FANCB: variants seen among roughly 807,000 people sequenced by gnomAD.
The protein encoded by FANCB is FA complementation group B.
A neutral mutation model predicts 38.9 loss-of-function variants in FANCB; 5 were observed. The ratio of observed to expected loss-of-function variants is 0.13; its 90% CI spans 0.07 to 0.27. FANCB has a LOEUF of 0.27. FANCB is among the 10% of genes least tolerant of loss of function. FANCB has a pLI of 1.00. For missense variants in FANCB, 573 were observed against 602.7 expected (o/e 0.95, Z 0.52); for synonymous variants, 236 against 215.4 (o/e 1.10, Z -0.84).
At chrX:14,823,197 C>T in the FANCB span, among the ~76,000 whole-genome samples, 1 of 105,051 alleles carries the variant, frequency 9.5e-6, no homozygotes, top group African/African-American at 3.5e-5. Context: ...ATTCTCCTAC[C>T]TCAGCCTCCC....
At chrX:14,824,003 G>C in the FANCB span, among the ~76,000 whole-genome samples, 2 of 111,938 alleles carry the variant, frequency 1.8e-5, no homozygotes, top group Non-Finnish European at 3.8e-5. Flanking sequence ...GGGTGGTCCA[G>C]TGGCAGCAGA....
At chrX:14,852,397 G>T (rs1292080381) in intron 6 of FANCB, among the ~76,000 whole-genome samples, 1 of 110,679 alleles carries the variant, frequency 9.0e-6, no homozygotes, top group African/African-American at 3.3e-5. Context: ...TCAATCTCTT[G>T]ACCTCGTGAT....
downstream of FANCB, among the ~76,000 whole-genome samples, chrX:14,839,603 T>C (rs1313755855): frequency 3.6e-5 from 4 of 110,978 alleles, no homozygotes; most frequent in South Asian, 7.5e-4. Flanking sequence ...ATCAAGTGTA[T>C]AATAAATTGA....
intron 10 of FANCB, among the ~76,000 whole-genome samples, chrX:14,837,734 A>G (rs183436209): frequency 1.8e-5 from 2 of 112,768 alleles, no homozygotes; most frequent in East Asian, 5.5e-4. Flanking sequence ...GTTTTATTAC[A>G]AACTGACTTT....
chrX:14,763,163 A>C, the FANCB span, among the ~76,000 whole-genome samples: 1 of 111,806 alleles, frequency 8.9e-6, no homozygotes, highest in East Asian at 2.8e-4. Context: ...CCTTGATCCT[A>C]TGACCCACTT....
the FANCB span, among the ~76,000 whole-genome samples, chrX:14,756,064 A>T: frequency 1.8e-4 from 20 of 112,375 alleles, no homozygotes; most frequent in Admixed American, 1.9e-3. Flanking sequence ...TGCAAAGAAC[A>T]CATATTGGAG....
intron 1 of FANCB, among the ~76,000 whole-genome samples, chrX:14,871,501 C>A (rs143087715): frequency 0.014 from 1,551 of 111,493 alleles, 26 homozygotes; most frequent in African/African-American, 0.041. Context: ...TAGAAGCTCA[C>A]TGTGCTGATA....
the FANCB span, among the ~76,000 whole-genome samples, chrX:14,740,954 ACACATG>A: frequency 1.0e-5 from 1 of 100,050 alleles, no homozygotes; most frequent in Non-Finnish European, 2.0e-5. Flanking sequence ...TAATACACAA[ACACATG>A]CACACACACA....
At chrX:14,798,988 AC>A in the FANCB span, among the ~76,000 whole-genome samples, 1 of 111,634 alleles carries the variant, frequency 9.0e-6, no homozygotes, top group African/African-American at 3.3e-5. Context: ...ACTAGAAATG[AC>A]CTAGGTTTCA....
chrX:14,765,564 T>A, the FANCB span, among the ~76,000 whole-genome samples: 1 of 112,488 alleles, frequency 8.9e-6, no homozygotes, highest in African/African-American at 3.2e-5. Context: ...ATTAATGAAA[T>A]GCCTCAGCAT....
the FANCB span, among the ~76,000 whole-genome samples, chrX:14,756,214 C>T: frequency 9.0e-6 from 1 of 111,662 alleles, no homozygotes; most frequent in Non-Finnish European, 1.9e-5. Context: ...GAAATAATAA[C>T]ACTAGAAAAA....
At chrX:14,857,705 T>G (rs909569885) in intron 5 of FANCB, among the ~76,000 whole-genome samples, 157 bp downstream of exon 5, 2 of 112,026 alleles carry the variant, frequency 1.8e-5, no homozygotes, top group Admixed American at 9.5e-5. Flanking sequence ...AGTATCATAA[T>G]ATTTGTACAG....
chrX:14,727,091 T>C, the FANCB span, among the ~76,000 whole-genome samples: 1 of 111,946 alleles, frequency 8.9e-6, no homozygotes, highest in Admixed American at 9.5e-5. Flanking sequence ...AGGTTGTACA[T>C]TTTAGAGATG....
chrX:14,703,918 C>T, the FANCB span, among the ~76,000 whole-genome samples: 2 of 112,024 alleles, frequency 1.8e-5, no homozygotes, highest in Non-Finnish European at 3.8e-5. Context: ...CCTCACCACA[C>T]TCCTGTTGTT....
the FANCB span, among the ~76,000 whole-genome samples, chrX:14,758,459 C>G: frequency 8.9e-6 from 1 of 111,851 alleles, no homozygotes; most frequent in Non-Finnish European, 1.9e-5. Context: ...AGGACCCTCA[C>G]AGAGTCCACA....
downstream of FANCB, among the ~76,000 whole-genome samples, chrX:14,840,359 AC>A (rs2092351938): frequency 9.0e-6 from 1 of 111,572 alleles, no homozygotes; most frequent in African/African-American, 3.3e-5. Context: ...TCACCAAAGA[AC>A]CAAGCCCTTC....
the FANCB span, among the ~76,000 whole-genome samples, chrX:14,713,076 G>A: frequency 2.7e-5 from 3 of 112,172 alleles, no homozygotes; most frequent in Non-Finnish European, 5.6e-5. Context: ...TTGGCACCAA[G>A]TGTGTGGATA....
chrX:14,818,021 C>A, the FANCB span, among the ~76,000 whole-genome samples: 1 of 111,123 alleles, frequency 9.0e-6, no homozygotes, highest in African/African-American at 3.3e-5. Flanking sequence ...TTTGGCAACT[C>A]AACAGGGATA....
At chrX:14,779,401 G>A in the FANCB span, among the ~76,000 whole-genome samples, 5 of 111,823 alleles carry the variant, frequency 4.5e-5, no homozygotes, top group African/African-American at 1.6e-4. Context: ...CAAAATTCTG[G>A]TATTGCCAAT....
Sources: allele counts gnomAD v4.1 joint callset (sites outside exome capture counted in the v4.1 genomes callset), GRCh38; gene constraint gnomAD v4.1.1; transcripts MANE v1.5; gene names NCBI Gene and HGNC (gene_info 2026-07-23, HGNC 2026-07-21).